Variants in DNAH14 observed in about 807,000 individuals in gnomAD.
The protein encoded by DNAH14 is axonemal beta dynein heavy chain 14.
A neutral mutation model predicts 520.9 loss-of-function variants in DNAH14; 478 were observed. The ratio of observed to expected loss-of-function variants is 0.92; its 90% CI spans 0.85 to 0.99. The LOEUF is 0.99. DNAH14 is among the 50% of genes least tolerant of loss of function. The pLI, the probability that DNAH14 is intolerant of heterozygous loss-of-function variation, is 0.00. For synonymous variants in DNAH14, 1,581 were observed against 1,757.2 expected, an observed-to-expected ratio of 0.90 and a Z score of 2.51; for missense variants, 4,831 against 5,234.5, an observed-to-expected ratio of 0.92 and a Z score of 2.38.
intron 53 of DNAH14, among the ~76,000 whole-genome samples, chr1:225,276,966 GAA>G (rs1296585706): frequency 1.8e-4 from 9 of 50,850 alleles, no homozygotes; most frequent in Admixed American, 6.2e-4. Context: ...AGGAAGGAAG[GAA>G]GGAAGGAAGG....
At chr1:225,210,240 C>CA (rs2149445752) in intron 41 of DNAH14, among the ~76,000 whole-genome samples, 1 of 152,234 alleles carries the variant, frequency 6.6e-6, no homozygotes. Flanking sequence ...CCAGGGAGCC[C>CA]AGCAAGCTAA....
intron 36 of DNAH14, among the ~76,000 whole-genome samples, chr1:225,174,922 A>G (rs550231226): frequency 3.9e-5 from 6 of 152,292 alleles, no homozygotes; most frequent in African/African-American, 1.4e-4. Context: ...TTCAGCATCA[A>G]TAGTAATGAT....
intron 7 of DNAH14, among the ~76,000 whole-genome samples, chr1:224,971,581 A>G (rs1251381131): frequency 1.3e-5 from 2 of 152,206 alleles, no homozygotes; most frequent in Non-Finnish European, 2.9e-5. Flanking sequence ...CTAGAAATAT[A>G]ATAAAACAGA....
intron 27 of DNAH14, among the ~76,000 whole-genome samples, chr1:225,133,147 A>G (rs7547639): frequency 0.073 from 11,096 of 152,144 alleles, 632 homozygotes; most frequent in East Asian, 0.24. Context: ...AGAGATTGCA[A>G]AAATTTTCTC....
chr1:225,130,589 C>T (rs1194489985), intron 27 of DNAH14, among the ~76,000 whole-genome samples: 1 of 144,204 alleles, frequency 6.9e-6, no homozygotes, highest in Non-Finnish European at 1.5e-5. Context: ...CAAACACTGC[C>T]TGTTCTCACT....
At chr1:225,097,418 T>G (rs2075084320) in intron 22 of DNAH14, among the ~76,000 whole-genome samples, 179 bp downstream of exon 22, 1 of 152,202 alleles carries the variant, frequency 6.6e-6, no homozygotes, top group African/African-American at 2.4e-5. Context: ...AACATCATTT[T>G]TGTAAGCCTT....
chr1:225,024,019 T>C (rs1231832936), intron 11 of DNAH14, 154 bp downstream of exon 11: 1 of 1,366,996 alleles, frequency 7.3e-7, no homozygotes, highest in Admixed American at 3.4e-5. Flanking sequence ...ACAGAACTTA[T>C]TATTTGGTAA....
In DNAH14 at chr1:225,079,672, C is replaced by CTTTT. The variant is rs58242386; in HGVS notation, c.2766+140_2766+143dup. ...GGCTAAATAGTTTAATACAAGTATTCTTTTTTTTTTTTTTTTTTTGAGATG... is the reference window on the plus strand; with the variant it reads ...GGCTAAATAGTTTAATACAAGTATTCTTTTTTTTTTTTTTTTTTTTTTTGAGATG... On this transcript the variant is annotated intron_variant, in intron 18 of 85. Transcript: ENST00000682510. 2,356 of 324,858 alleles carry CTTTT rather than the reference C, an allele frequency of 7.3e-3. 8 individuals carry two copies. The highest frequency in any genetic ancestry group is 8.7e-3 in the South Asian group (178 of 20,568). 20.1% of individuals were successfully genotyped at this position (324,858 alleles called of 1,614,324 possible).
intron 73 of DNAH14, among the ~76,000 whole-genome samples, chr1:225,355,877 G>A (rs983469503): frequency 6.6e-6 from 1 of 152,036 alleles, no homozygotes; most frequent in Non-Finnish European, 1.5e-5. Context: ...TAGAAATTCT[G>A]TACCTGTTAA....
chr1:225,108,675 T>A (rs773433042), intron 23 of DNAH14, among the ~76,000 whole-genome samples: 1 of 152,324 alleles, frequency 6.6e-6, no homozygotes, highest in South Asian at 2.1e-4. Flanking sequence ...TGTCTCTTCA[T>A]TATTTTGTTG....
rs763711425 is a variant in DNAH14 at position 225,331,472 on chromosome 1, C to CAAAG, written c.9761_9764dup (p.Asp3255GlufsTer6). On this transcript the variant is annotated frameshift_variant, in exon 65 of 86. Transcript: ENST00000682510. LOFTEE classifies it high-confidence loss of function. ...ATTTGCTGTTTTTACAGGCAGCTTACAAAGATACCGTTGCTGAAAAACAAC... is the reference window on the plus strand; with the variant it reads ...ATTTGCTGTTTTTACAGGCAGCTTACAAAGAAAGATACCGTTGCTGAAAAACAAC... The CAAAG allele has an allele frequency of 1.7e-5, 26 of 1,551,358 alleles. 1 individual carries two copies. The South Asian group carries it at 3.0e-4, about 18-fold the overall frequency.
chr1:224,954,288 A>G (rs2060366062), intron 2 of DNAH14, among the ~76,000 whole-genome samples: 1 of 152,184 alleles, frequency 6.6e-6, no homozygotes, highest in African/African-American at 2.4e-5. Context: ...CCTAGAAAAG[A>G]AATATTACCT....
intron 44 of DNAH14, 35 bp from the exon 45 acceptor site, chr1:225,257,925 G>T (rs1249559946): frequency 6.8e-7 from 1 of 1,478,992 alleles, no homozygotes; most frequent in Non-Finnish European, 9.1e-7. Context: ...GTACTTTCTA[G>T]GTCATTTGAA....
At chr1:225,027,079 A>G (rs1290492277) in intron 11 of DNAH14, among the ~76,000 whole-genome samples, 1 of 152,122 alleles carries the variant, frequency 6.6e-6, no homozygotes. Context: ...ATTGAAATAC[A>G]AATGATTTTT....
chr1:225,146,949 G>A (rs981403690), intron 30 of DNAH14, among the ~76,000 whole-genome samples, 155 bp from the exon 31 acceptor site: 5 of 152,290 alleles, frequency 3.3e-5, no homozygotes, highest in Middle Eastern at 6.8e-3. Context: ...AGCAGCTGCT[G>A]CTTTCAACCC....
rs570743511 is a variant in DNAH14, at chr1:225,365,713, T to A, written c.12090+819T>A. On this transcript the variant is annotated intron_variant, in intron 76 of 85. Transcript: ENST00000682510. The stretch of plus-strand genomic sequence containing the variant: ...TGAGACTCGAAAGATTCCACTTGTC[T>A]CCCAGAGAGCAGCAGACCATGCTCT... Among the ~76,000 whole-genome samples, 3 of 150,464 alleles carry A rather than the reference T, an allele frequency of 2.0e-5. No individual in the cohort carries two copies. The East Asian group carries it at 5.9e-4, about 30-fold the overall frequency.
intron 15 of DNAH14, 25 bp from the exon 16 acceptor site, chr1:225,050,185 C>G: frequency 6.6e-7 from 1 of 1,510,484 alleles, no homozygotes; most frequent in South Asian, 1.3e-5. Flanking sequence ...TTCTGAAGTA[C>G]TGACTTTTAA....
chr1:225,306,238 G>A (rs2094239149), intron 58 of DNAH14, among the ~76,000 whole-genome samples: 1 of 152,154 alleles, frequency 6.6e-6, no homozygotes, highest in South Asian at 2.1e-4. Context: ...AGGTCAGGTG[G>A]GGCATGATAG....
Position 225,272,000 on chromosome 1 carries a change from A to T in DNAH14, c.7766A>T (p.His2589Leu), listed in dbSNP as rs1473003958. 1 of 1,550,914 alleles carries T rather than the reference A, an allele frequency of 6.4e-7. No homozygotes were observed. The highest frequency in any genetic ancestry group is 1.2e-5 in the South Asian group (1 of 84,040). ...QIISCSLAIY[H>L]QVRQNMLPTP... ...ATATCTTGTTCCCTAGCTATATACC[A>T]TCAAGTACGTCAGAATATGTTACCA... The change falls in exon 51 of 86, where the codon CAT becomes CTT. Residue 2589 changes from histidine (H) to leucine (L), a missense_variant. His to Leu is a moderately conservative substitution (Grantham distance 99). Coordinates refer to ENST00000682510, the MANE Select transcript of DNAH14 (RefSeq NM_001367479.1).
Sources: allele counts gnomAD v4.1 joint callset (sites outside exome capture counted in the v4.1 genomes callset), GRCh38; gene constraint gnomAD v4.1.1; transcripts MANE v1.5; gene names NCBI Gene and HGNC (gene_info 2026-07-23, HGNC 2026-07-21).